HMCN1: variants seen among roughly 807,000 people sequenced by gnomAD.
HMCN1 encodes hemicentin 1, also known as hemicentin-1.
HMCN1 carries 321 observed loss-of-function variants against 625.9 expected under a neutral mutation model. That is an observed-to-expected ratio of 0.51 (90% CI 0.47 to 0.56). The LOEUF (loss-of-function observed/expected upper bound fraction) is 0.56. Among genes scored for constraint, HMCN1 ranks in the 20% least tolerant of loss-of-function variants. The pLI is 0.00. For missense variants in HMCN1, 6,588 were observed against 6,887.3 expected, an observed-to-expected ratio of 0.96 and a Z score of 1.54; for synonymous variants, 2,425 against 2,417.6, an observed-to-expected ratio of 1.00 and a Z score of -0.09.
intron 80 of HMCN1, 93 bp downstream of exon 80, chr1:186,120,238 TC>T (rs1259923045): frequency 4.4e-6 from 6 of 1,350,416 alleles, no homozygotes; most frequent in Non-Finnish European, 6.2e-6. Flanking sequence ...ATGCTGCTGT[TC>T]CCCCATAGTT....
intron 36 of HMCN1, among the ~76,000 whole-genome samples, chr1:186,034,696 C>T (rs573981648): frequency 2.0e-5 from 3 of 152,204 alleles, no homozygotes; most frequent in South Asian, 2.1e-4. Context: ...GGTGACAGGG[C>T]TAGGTCAGTT....
At chr1:185,899,539 A>G (rs879614062) in intron 4 of HMCN1, among the ~76,000 whole-genome samples, 3 of 152,092 alleles carry the variant, frequency 2.0e-5, no homozygotes, top group Non-Finnish European at 4.4e-5. Flanking sequence ...CGTATTTCTT[A>G]AGGACTTCCC....
At chr1:185,914,098 A>G (rs1405216350) in intron 6 of HMCN1, among the ~76,000 whole-genome samples, 1 of 152,154 alleles carries the variant, frequency 6.6e-6, no homozygotes, top group South Asian at 2.1e-4. Context: ...ATTAGTGCTA[A>G]CAACAACTAA....
intron 75 of HMCN1, 80 bp from the exon 76 acceptor site, chr1:186,116,914 C>T: frequency 1.3e-6 from 2 of 1,498,916 alleles, no homozygotes; most frequent in Non-Finnish European, 9.2e-7. Context: ...CAATTTACAA[C>T]ATGGTACCAT....
intron 1 of HMCN1, among the ~76,000 whole-genome samples, chr1:185,809,946 C>A (rs1659408714): frequency 6.6e-6 from 1 of 152,012 alleles, no homozygotes; most frequent in South Asian, 2.1e-4. Context: ...ATTCTGTATT[C>A]TGGGATATCT....
At chr1:186,031,474 T>C (rs1655435115) in intron 36 of HMCN1, among the ~76,000 whole-genome samples, 1 of 152,104 alleles carries the variant, frequency 6.6e-6, no homozygotes, top group African/African-American at 2.4e-5. Context: ...CAGTTTGGTT[T>C]TGATGTCTTG....
intron 1 of HMCN1, among the ~76,000 whole-genome samples, chr1:185,791,240 A>G (rs1557971746): frequency 6.6e-6 from 1 of 152,198 alleles, no homozygotes; most frequent in Non-Finnish European, 1.5e-5. Flanking sequence ...TGCCTCTTAC[A>G]GTGTCTGGTA....
At chr1:186,114,373 C>CA (rs1421026956) in intron 73 of HMCN1, among the ~76,000 whole-genome samples, 1 of 152,140 alleles carries the variant, frequency 6.6e-6, no homozygotes, top group African/African-American at 2.4e-5. Flanking sequence ...TCTCCTGCCT[C>CA]AGCCTCCCAA....
chr1:186,014,318 T>TTA (rs954979915), intron 30 of HMCN1, among the ~76,000 whole-genome samples: 87 of 150,218 alleles, frequency 5.8e-4, no homozygotes, highest in South Asian at 5.2e-3. Context: ...GTTTATAAGA[T>TTA]TATATATATA....
intron 15 of HMCN1, among the ~76,000 whole-genome samples, chr1:185,975,039 C>T (rs992704747): frequency 1.3e-5 from 2 of 152,182 alleles, no homozygotes; most frequent in African/African-American, 2.4e-5. Context: ...CAGGCTTCTG[C>T]ATATCTTTGT....
Position 186,093,178 on chromosome 1 carries a change from C to A in HMCN1, c.9932C>A (p.Thr3311Lys). ...GSTLNIYGAL[T>K]SDTGKYTCVA... ...ACATTAAACATTTATGGAGCTCTTACATCTGACACGGGGAAATACACATGT... is the reference window on the plus strand; with the variant it reads ...ACATTAAACATTTATGGAGCTCTTAAATCTGACACGGGGAAATACACATGT... The change falls in exon 65 of 107, where the codon ACA becomes AAA. Residue 3311 changes from threonine (T) to lysine (K), a missense_variant. Physicochemically the swap from Thr to Lys is moderately conservative, Grantham distance 78. Transcript: ENST00000271588. 6.2e-7 allele frequency: 1 copy of A among 1,613,370 alleles called. No homozygotes were observed.
intron 67 of HMCN1, among the ~76,000 whole-genome samples, 154 bp downstream of exon 67, chr1:186,094,527 C>T (rs1045542162): frequency 6.6e-6 from 1 of 152,120 alleles, no homozygotes; most frequent in Admixed American, 6.6e-5. Flanking sequence ...AATGTATTTT[C>T]TTCCAAGGGG....
At chr1:186,123,372 C>A in intron 81 of HMCN1, 152 bp downstream of exon 81, 1 of 895,462 alleles carries the variant, frequency 1.1e-6, no homozygotes, top group Admixed American at 2.0e-5. Context: ...CACTTCAAAT[C>A]TGTTTTCTGT....
chr1:186,145,320 TAATAC>T, intron 91 of HMCN1, 78 bp from the exon 92 acceptor site: 1 of 1,348,100 alleles, frequency 7.4e-7, no homozygotes. Flanking sequence ...ACTTTTTTTT[TAATAC>T]TTTTTGGATG....
chr1:185,792,054 C>G (rs752686405), intron 1 of HMCN1, among the ~76,000 whole-genome samples: 1 of 152,080 alleles, frequency 6.6e-6, no homozygotes, highest in Non-Finnish European at 1.5e-5. Flanking sequence ...ATCTTGCCCT[C>G]AAGAAACTCA....
At chr1:185,773,096 AG>A (rs1203769925) in intron 1 of HMCN1, among the ~76,000 whole-genome samples, 1 of 152,140 alleles carries the variant, frequency 6.6e-6, no homozygotes, top group African/African-American at 2.4e-5. Flanking sequence ...TTATATTCTA[AG>A]GATAGATCAT....
intron 1 of HMCN1, among the ~76,000 whole-genome samples, chr1:185,741,312 T>A (rs189151235): frequency 2.2e-4 from 33 of 152,278 alleles, no homozygotes; most frequent in African/African-American, 5.8e-4. Context: ...TTCACTGAGA[T>A]GGAGAAGAAT....
chr1:185,851,259 A>G (rs1047777004), intron 2 of HMCN1, among the ~76,000 whole-genome samples: 1 of 152,164 alleles, frequency 6.6e-6, no homozygotes, highest in Non-Finnish European at 1.5e-5. Flanking sequence ...ACTAACTTGA[A>G]CTTTAAAAAA....
chr1:185,942,190 C>CAAAA (rs541622782), intron 11 of HMCN1, among the ~76,000 whole-genome samples: 2 of 53,102 alleles, frequency 3.8e-5, no homozygotes, highest in Non-Finnish European at 8.1e-5. Flanking sequence ...GACTCCATCT[C>CAAAA]AAAAAAAAAA....
Sources: allele counts gnomAD v4.1 joint callset (sites outside exome capture counted in the v4.1 genomes callset), GRCh38; gene constraint gnomAD v4.1.1; transcripts MANE v1.5; gene names NCBI Gene and HGNC (gene_info 2026-07-23, HGNC 2026-07-21).